The following TRMT9B variants were observed in gnomAD, a reference collection of about 807,000 sequenced individuals.
TRMT9B encodes probable tRNA methyltransferase 9B.
TRMT9B carries 16 observed loss-of-function variants against 11.5 expected under a neutral mutation model. That is an observed-to-expected ratio of 1.39 (90% CI 0.94 to 2.11). The LOEUF (loss-of-function observed/expected upper bound fraction) is 2.11, where lower values mean the gene tolerates loss of function less well. Among genes scored for constraint, TRMT9B ranks in the 30% most tolerant of loss-of-function variants. The pLI, the probability that TRMT9B is intolerant of heterozygous loss-of-function variation, is 0.00. For missense variants in TRMT9B, 941 were observed against 553.8 expected, an observed-to-expected ratio of 1.70 and a Z score of -7.02; for synonymous variants, 274 against 192.4, an observed-to-expected ratio of 1.42 and a Z score of -3.51.
chr8:13,001,887 G>A (rs754102738), intron 2 of TRMT9B, among the ~76,000 whole-genome samples: 3 of 152,064 alleles, frequency 2.0e-5, no homozygotes, highest in South Asian at 2.1e-4. Flanking sequence ...TTTATCTCTC[G>A]CTTCATCTGG....
At chr8:12,983,284 A>G (rs184591971) in intron 1 of TRMT9B, among the ~76,000 whole-genome samples, 1 of 152,224 alleles carries the variant, frequency 6.6e-6, no homozygotes, top group Non-Finnish European at 1.5e-5. Context: ...AACACAAGAA[A>G]TCATGTCAGT....
At chr8:12,972,297 G>T (rs1029228066) in intron 1 of TRMT9B, among the ~76,000 whole-genome samples, 1 of 152,186 alleles carries the variant, frequency 6.6e-6, no homozygotes, top group African/African-American at 2.4e-5. Flanking sequence ...TCCCGTGGAG[G>T]CGGGGCTGGC....
At chr8:13,019,173 T>A (rs938027396) in intron 4 of TRMT9B, among the ~76,000 whole-genome samples, 5 of 152,106 alleles carry the variant, frequency 3.3e-5, no homozygotes, top group African/African-American at 9.7e-5. Flanking sequence ...ACAGAATCCA[T>A]GAATAATGAA....
intron 3 of TRMT9B, chr8:13,010,392 A>AT (rs1450902315): frequency 2.0e-6 from 2 of 981,950 alleles, no homozygotes; most frequent in Non-Finnish European, 2.4e-6. Flanking sequence ...GAAAAGACAG[A>AT]TGGTAATATG....
chr8:13,024,037 A>ATTTAT lies in TRMT9B; in HGVS notation c.*1996_*1997insATTTT, dbSNP rs1814353529. On this transcript the variant is annotated 3_prime_UTR_variant, in exon 5 of 5. Coordinates refer to ENST00000524591, the MANE Select transcript of TRMT9B (RefSeq NM_020844.3). ...ATTAAAAATTAATTTGGTTTCTTCT[A>ATTTAT]TTTCTTTTTTTTTTTTTTTTTTTTG... is the stretch of plus-strand genomic sequence containing the variant. 1.3e-5 allele frequency: 1 copy of ATTTAT among 75,002 alleles called. No individual in the cohort carries two copies. Among genetic ancestry groups the ATTTAT allele is most frequent in the African/African-American group, 4.9e-5 (1 of 20,418 alleles). 4.6% of individuals were successfully genotyped at this position (75,002 alleles called of 1,614,324 possible).
chr8:12,948,991 C>T (rs1235096057), intron 1 of TRMT9B, among the ~76,000 whole-genome samples: 2 of 152,066 alleles, frequency 1.3e-5, no homozygotes, highest in African/African-American at 2.4e-5. Context: ...CAGAAAAACA[C>T]GTGTTCAACG....
At chr8:12,968,140 C>T (rs1585126846) in intron 1 of TRMT9B, among the ~76,000 whole-genome samples, 1 of 152,242 alleles carries the variant, frequency 6.6e-6, no homozygotes, top group African/African-American at 2.4e-5. Context: ...CCACCTCGAT[C>T]TCTCTAAGTG....
chr8:12,983,420 A>G (rs1293983308), intron 1 of TRMT9B, among the ~76,000 whole-genome samples: 1 of 152,180 alleles, frequency 6.6e-6, no homozygotes, highest in African/African-American at 2.4e-5. Flanking sequence ...CTGTAATCCC[A>G]GCACTTTGGG....
At position 13,024,506 on chromosome 8, in the gene TRMT9B, G is replaced by A. The variant is rs1371571780; in HGVS notation, c.*2462G>A. ...CTCTCTGAAGCCTATTGTCACATGG[G>A]TTTTTAATCCTGGCCTTGCTGCTAG... On this transcript the variant is annotated 3_prime_UTR_variant, in exon 5 of 5. Coordinates refer to ENST00000524591, the MANE Select transcript of TRMT9B (RefSeq NM_020844.3). 1 of 167,076 alleles carries A rather than the reference G, an allele frequency of 6.0e-6. No homozygotes were observed. The highest frequency in any genetic ancestry group is 2.4e-5 in the African/African-American group (1 of 41,454). 10.3% of individuals were successfully genotyped at this position (167,076 alleles called of 1,614,324 possible). A position where few individuals can be genotyped will look rare whatever the true frequency, so the allele number is the denominator to read the frequency against.
At chr8:13,003,958 G>T (rs1260521762) in intron 2 of TRMT9B, among the ~76,000 whole-genome samples, 1 of 151,640 alleles carries the variant, frequency 6.6e-6, no homozygotes, top group African/African-American at 2.4e-5. Flanking sequence ...CTCCCTGGCA[G>T]CAGCCATGTG....
intron 1 of TRMT9B, among the ~76,000 whole-genome samples, chr8:12,987,241 G>GTTTTATA (rs1171924889): frequency 2.6e-5 from 4 of 152,180 alleles, no homozygotes; most frequent in Admixed American, 2.0e-4. Context: ...GGGAGAACTA[G>GTTTTATA]TAGTTCCTAT....
chr8:13,017,624 T>TTG (rs1812970172), intron 4 of TRMT9B, among the ~76,000 whole-genome samples: 1 of 148,912 alleles, frequency 6.7e-6, no homozygotes, highest in Admixed American at 6.7e-5. Flanking sequence ...CTTTTTTTTT[T>TTG]TTTTTTTGAG....
chr8:12,968,449 C>A (rs901654107), intron 1 of TRMT9B, among the ~76,000 whole-genome samples: 7 of 152,174 alleles, frequency 4.6e-5, no homozygotes, highest in African/African-American at 1.4e-4. Flanking sequence ...GACATTTTAG[C>A]AATTTCTGGT....
chr8:12,948,732 G>T, intron 1 of TRMT9B, among the ~76,000 whole-genome samples: 1 of 152,036 alleles, frequency 6.6e-6, no homozygotes, highest in East Asian at 1.9e-4. Context: ...AGGCCAAGGC[G>T]GGTGGATCAC....
At chr8:13,016,895 G>C (rs185034550) in intron 4 of TRMT9B, among the ~76,000 whole-genome samples, 130 of 150,450 alleles carry the variant, frequency 8.6e-4, no homozygotes, top group African/African-American at 3.1e-3. Context: ...GGGAGACTGA[G>C]GCAGGCGGAT....
intron 2 of TRMT9B, among the ~76,000 whole-genome samples, chr8:12,999,033 G>A (rs1218877499): frequency 2.0e-5 from 3 of 152,136 alleles, no homozygotes; most frequent in Non-Finnish European, 4.4e-5. Flanking sequence ...GGGCGCAGTG[G>A]CTCACGCCTG....
chr8:12,996,977 TTTA>T (rs370892303), intron 2 of TRMT9B, among the ~76,000 whole-genome samples: 80 of 111,076 alleles, frequency 7.2e-4, no homozygotes, highest in East Asian at 1.8e-3. Context: ...TTTATTTTAT[TTTA>T]TTTTATTTTA....
At chr8:12,982,754 C>T (rs947202431) in intron 1 of TRMT9B, among the ~76,000 whole-genome samples, 1 of 152,072 alleles carries the variant, frequency 6.6e-6, no homozygotes. Flanking sequence ...CTGAAATGCT[C>T]AAAAATTTGA....
chr8:12,991,174 T>C (rs566985271), intron 2 of TRMT9B, 143 bp downstream of exon 2: 266 of 270,238 alleles, frequency 9.8e-4, no homozygotes, highest in African/African-American at 5.8e-3. Flanking sequence ...AATTTATTTT[T>C]GCATGAGGTG....
Sources: allele counts gnomAD v4.1 joint callset (sites outside exome capture counted in the v4.1 genomes callset), GRCh38; gene constraint gnomAD v4.1.1; transcripts MANE v1.5; gene names NCBI Gene and HGNC (gene_info 2026-07-23, HGNC 2026-07-21).